Variants in HERC4 observed in about 807,000 individuals in gnomAD.
HERC4 encodes probable E3 ubiquitin-protein ligase HERC4.
A neutral mutation model predicts 124.3 loss-of-function variants in HERC4; 28 were observed. The ratio of observed to expected loss-of-function variants is 0.23; its 90% CI spans 0.17 to 0.31. The LOEUF (loss-of-function observed/expected upper bound fraction) is 0.31, where lower values mean the gene tolerates loss of function less well. Ranked by LOEUF, HERC4 falls within the 10% of genes least tolerant of loss-of-function variation. The pLI, the probability that HERC4 is intolerant of heterozygous loss-of-function variation, is 1.00. For missense variants in HERC4, 713 were observed against 1,229.3 expected (o/e 0.58, Z 6.28); for synonymous variants, 407 against 421.5 (o/e 0.97, Z 0.42).
intron 8 of HERC4, among the ~76,000 whole-genome samples, chr10:68,015,655 C>G (rs1474720281): frequency 6.6e-6 from 1 of 152,156 alleles, no homozygotes; most frequent in East Asian, 1.9e-4. Context: ...TACTACCCTC[C>G]CTCAGGAAGC....
At position 67,990,364 on chromosome 10, in the gene HERC4, G is replaced by A. The variant is rs2036482439; in HGVS notation, c.1480C>T (p.Leu494=). The change falls in exon 14 of 25, where the codon CTG becomes TTG. Residue 494 remains leucine (L), a synonymous_variant. Transcript: ENST00000373700. The part of the protein sequence containing the change: ...ASLEKNLIPK[L]TSSLPDVEAL... Reference sequence around the variant, plus strand: ...TCAACATCAGGTAAGGAGCTAGTCAGTTTAGGAATAAGATTCTTTTCCAAA... The same window carrying A: ...TCAACATCAGGTAAGGAGCTAGTCAATTTAGGAATAAGATTCTTTTCCAAA... 17 of 1,576,864 alleles carry A rather than the reference G, an allele frequency of 1.1e-5. No homozygotes were observed. The highest frequency in any genetic ancestry group is 1.4e-5 in the African/African-American group (1 of 73,514).
intron 9 of HERC4, among the ~76,000 whole-genome samples, chr10:68,002,263 T>A (rs1293637793): frequency 3.3e-5 from 5 of 152,042 alleles, no homozygotes; most frequent in African/African-American, 1.2e-4. Flanking sequence ...TGTGAATAGA[T>A]AAAATCTATT....
At chr10:68,060,794 A>G (rs76453667) in intron 3 of HERC4, among the ~76,000 whole-genome samples, 1 of 152,282 alleles carries the variant, frequency 6.6e-6, no homozygotes, top group African/African-American at 2.4e-5. Flanking sequence ...TAGAGAGCCT[A>G]GTTATGAAAT....
At position 68,059,645 on chromosome 10, in the gene HERC4, T is replaced by TA. The variant is rs1564608309; in HGVS notation, c.226+13237dup. On this transcript the variant is annotated intron_variant, in intron 3 of 24. Transcript: ENST00000373700. ...TATTATATATCATAATATTATATAT[T>TA]ATATTATATATCATATTATATATTA... 7.1e-5 allele frequency among the ~76,000 whole-genome samples: 5 copies of TA among 70,030 alleles called. 1 individual carries two copies. Among genetic ancestry groups the TA allele is most frequent in the African/African-American group, 1.1e-4 (1 of 9,194 alleles). The allele number at this position is 70,030 out of a possible 152,430, so 45.9% of individuals were successfully genotyped here.
intron 23 of HERC4, among the ~76,000 whole-genome samples, chr10:67,928,593 C>A (rs978022801): frequency 3.3e-5 from 5 of 152,074 alleles, no homozygotes; most frequent in Admixed American, 6.6e-5. Flanking sequence ...ACATGGTATA[C>A]CAATTCTTGA....
intron 21 of HERC4, 61 bp downstream of exon 21, chr10:67,939,527 C>A: frequency 8.7e-7 from 1 of 1,153,266 alleles, no homozygotes. Flanking sequence ...AACCCTAAGA[C>A]ACGGCTGTTA....
Position 67,954,725 on chromosome 10 carries a change from C to T in HERC4, c.2207G>A (p.Gly736Glu), listed in dbSNP as rs372389113. 14 of 1,612,994 alleles carry T rather than the reference C, an allele frequency of 8.7e-6. No homozygotes were observed. Among genetic ancestry groups the T allele is most frequent in the Non-Finnish European group, 1.2e-5 (14 of 1,179,558 alleles). Reference sequence around the variant, plus strand: ...CCCTCCTGCATCCACAGCATCTTCTCCAACAAATATAACCTAAAATAGCAC... The same window carrying T: ...CCCTCCTGCATCCACAGCATCTTCTTCAACAAATATAACCTAAAATAGCAC... ...YKKPLKVIFV[G>E]EDAVDAGGVR... Residue 736 changes from glycine to glutamate, a missense_variant, in exon 19 of 25, where the codon GGA becomes GAA. Physicochemically the swap from Gly to Glu is moderately conservative, Grantham distance 98 (BLOSUM62 -2). Coordinates refer to ENST00000373700, the MANE Select transcript of HERC4 (RefSeq NM_015601.4).
At chr10:68,035,507 T>C (rs1422408221) in intron 5 of HERC4, among the ~76,000 whole-genome samples, 1 of 152,200 alleles carries the variant, frequency 6.6e-6, no homozygotes, top group Non-Finnish European at 1.5e-5. Context: ...AAATGTTCTA[T>C]GCACATATAA....
At chr10:68,059,504 T>TATAATATTATATATC (rs1564607105) in intron 3 of HERC4, among the ~76,000 whole-genome samples, 1 of 107,974 alleles carries the variant, frequency 9.3e-6, no homozygotes, top group Non-Finnish European at 1.7e-5. Context: ...CATTATATAT[T>TATAATATTATATATC]ATAATATTAT....
intron 3 of HERC4, chr10:68,068,486 C>CAAAAAA (rs34779824): frequency 1.4e-5 from 1 of 71,076 alleles, no homozygotes; most frequent in Non-Finnish European, 2.8e-5. Context: ...GACTCCGTTT[C>CAAAAAA]AAAAAAAAAA....
chr10:67,936,291 C>A lies in HERC4; in HGVS notation c.2572-56G>T, dbSNP rs369534877. 56 of 958,458 alleles carry A rather than the reference C, an allele frequency of 5.8e-5. 1 individual carries two copies. The East Asian group carries it at 9.4e-4, about 16-fold the overall frequency. 59.4% of individuals were successfully genotyped at this position (958,458 alleles called of 1,614,324 possible). Reference sequence around the variant, plus strand: ...TGTCAGACTCAAAACTTATAATAATCTATTATTATATTCTACCTTTCTCTC... The same window carrying A: ...TGTCAGACTCAAAACTTATAATAATATATTATTATATTCTACCTTTCTCTC... On this transcript the variant is annotated intron_variant, in intron 21 of 24. Coordinates refer to ENST00000373700, the MANE Select transcript of HERC4 (RefSeq NM_015601.4).
rs368828304 is a variant in HERC4, at chr10:67,932,805, A to G, written c.2655-25T>C. Reference sequence around the variant, plus strand: ...CCTAGAAATGAAAAAGCACACATGTACAGATTATAAAAATCATGTATGAAG... The same window carrying G: ...CCTAGAAATGAAAAAGCACACATGTGCAGATTATAAAAATCATGTATGAAG... On this transcript the variant is annotated intron_variant, in intron 22 of 24. Coordinates refer to ENST00000373700, the MANE Select transcript of HERC4 (RefSeq NM_015601.4). 1.0e-4 allele frequency: 160 copies of G among 1,554,984 alleles called. No individual in the cohort carries two copies. In the Admixed American group the frequency reaches 1.3e-3, roughly 13 times the overall value.
chr10:67,981,210 T>C (rs959511037), intron 15 of HERC4, among the ~76,000 whole-genome samples: 1 of 152,208 alleles, frequency 6.6e-6, no homozygotes, highest in Non-Finnish European at 1.5e-5. Context: ...AGATATCCCA[T>C]GCCAGTGTTA....
At chr10:68,045,038 A>AG (rs1324511030) in intron 3 of HERC4, among the ~76,000 whole-genome samples, 1 of 152,226 alleles carries the variant, frequency 6.6e-6, no homozygotes, top group African/African-American at 2.4e-5. Context: ...TTAAGGAAAC[A>AG]GGCACGGTGT....
At chr10:67,956,388 T>C (rs185528626) in intron 17 of HERC4, 1 of 152,352 alleles carries the variant, frequency 6.6e-6, no homozygotes, top group East Asian at 1.9e-4. Flanking sequence ...TAGGAGATAA[T>C]GGTGACCAAC....
intron 15 of HERC4, among the ~76,000 whole-genome samples, chr10:67,972,510 ACT>A (rs2132520204): frequency 7.0e-6 from 1 of 142,126 alleles, no homozygotes; most frequent in African/African-American, 2.6e-5. Context: ...AAAGAGTCAA[ACT>A]CTGTCTCAAA....
intron 4 of HERC4, among the ~76,000 whole-genome samples, chr10:68,043,030 T>C (rs559166272): frequency 4.1e-4 from 63 of 152,272 alleles, no homozygotes; most frequent in African/African-American, 1.4e-3. Flanking sequence ...CTCTTTCAGG[T>C]CCCCATCCAG....
At chr10:68,034,857 A>G (rs1483632838) in intron 5 of HERC4, among the ~76,000 whole-genome samples, 1 of 151,592 alleles carries the variant, frequency 6.6e-6, no homozygotes, top group Non-Finnish European at 1.5e-5. Flanking sequence ...CCAGTCTATC[A>G]TATATCACCA....
chr10:67,969,308 A>T (rs1010839590), intron 15 of HERC4, among the ~76,000 whole-genome samples: 1 of 152,176 alleles, frequency 6.6e-6, no homozygotes, highest in Non-Finnish European at 1.5e-5. Context: ...TCATATAAGC[A>T]GAAGTAATAC....
Sources: allele counts gnomAD v4.1 joint callset (sites outside exome capture counted in the v4.1 genomes callset), GRCh38; gene constraint gnomAD v4.1.1; transcripts MANE v1.5; gene names NCBI Gene and HGNC (gene_info 2026-07-23, HGNC 2026-07-21).